Variants in ARK2C observed in about 807,000 individuals in gnomAD.
ARK2C encodes E3 ubiquitin-protein ligase ARK2C.
At chr18:46,337,709 AT>A in the ARK2C span, 4 of 718,300 alleles carry the variant, frequency 5.6e-6, no homozygotes, top group South Asian at 1.3e-4. Flanking sequence ...TGCTGTTTAG[AT>A]TTTCCCCCCT....
the ARK2C span, chr18:46,336,132 A>G: frequency 1.0e-6 from 1 of 985,234 alleles, no homozygotes; most frequent in South Asian, 4.7e-5. Context: ...TCAATACACA[A>G]TTATCTCTTA....
At chr18:46,382,632 C>T in the ARK2C span, among the ~76,000 whole-genome samples, 1 of 152,182 alleles carries the variant, frequency 6.6e-6, no homozygotes, top group African/African-American at 2.4e-5. Flanking sequence ...CCCATTTTCC[C>T]AACCATCCTC....
chr18:46,408,924 A>G, the ARK2C span, among the ~76,000 whole-genome samples: 1 of 152,204 alleles, frequency 6.6e-6, no homozygotes. Flanking sequence ...TCCAAGTCTC[A>G]GTTCCCTGTT....
chr18:46,335,344 C>G, the ARK2C span: 1 of 152,188 alleles, frequency 6.6e-6, no homozygotes, highest in Non-Finnish European at 1.5e-5. Flanking sequence ...CCCTCACATT[C>G]TGCTACAACA....
chr18:46,370,711 G>A, the ARK2C span, among the ~76,000 whole-genome samples: 2 of 152,302 alleles, frequency 1.3e-5, no homozygotes, highest in Non-Finnish European at 1.5e-5. Flanking sequence ...CTCTGTCCTC[G>A]TTCTCTTGAG....
chr18:46,334,506 C>CATA, the ARK2C span: 1 of 531,184 alleles, frequency 1.9e-6, no homozygotes, highest in Non-Finnish European at 3.1e-6. The surrounding 1 kb of genome is among the most constrained non-coding windows in gnomAD (Gnocchi z 4.4). Flanking sequence ...GTGGGGGCGG[C>CATA]CGCCCTCGTG....
the ARK2C span, among the ~76,000 whole-genome samples, chr18:46,451,630 A>G: frequency 2.0e-5 from 3 of 152,188 alleles, no homozygotes; most frequent in African/African-American, 7.2e-5. Flanking sequence ...CCTCATCTCT[A>G]CAAAAATTTT....
the ARK2C span, among the ~76,000 whole-genome samples, chr18:46,375,422 T>A: frequency 2.0e-5 from 3 of 151,870 alleles, no homozygotes; most frequent in African/African-American, 7.3e-5. Context: ...GGTATGGTGG[T>A]ACACACCTGT....
the ARK2C span, among the ~76,000 whole-genome samples, chr18:46,442,758 A>G: frequency 6.6e-6 from 1 of 152,158 alleles, no homozygotes; most frequent in African/African-American, 2.4e-5. Flanking sequence ...GTGGATGTCT[A>G]GAACTCTACT....
At chr18:46,435,480 C>T in the ARK2C span, 1 of 1,113,490 alleles carries the variant, frequency 9.0e-7, no homozygotes, top group African/African-American at 1.5e-5. Context: ...TTTCTGTTTT[C>T]CTTCACTTTG....
chr18:46,443,907 TTTTTAA>T, the ARK2C span, among the ~76,000 whole-genome samples: 4 of 152,232 alleles, frequency 2.6e-5, no homozygotes, highest in Non-Finnish European at 5.9e-5. Context: ...TTTGAAGAAC[TTTTTAA>T]AACACTTCTT....
chr18:46,367,270 A>G, the ARK2C span, among the ~76,000 whole-genome samples: 1 of 152,312 alleles, frequency 6.6e-6, no homozygotes, highest in Admixed American at 6.5e-5. Context: ...TTCCAGGTAT[A>G]GGGTAGACCA....
the ARK2C span, among the ~76,000 whole-genome samples, chr18:46,356,429 A>G: frequency 6.6e-6 from 1 of 152,054 alleles, no homozygotes; most frequent in African/African-American, 2.4e-5. Flanking sequence ...TGCTTATTTT[A>G]TGCCTGGCAC....
the ARK2C span, among the ~76,000 whole-genome samples, chr18:46,442,934 C>T: frequency 6.6e-6 from 1 of 152,164 alleles, no homozygotes; most frequent in African/African-American, 2.4e-5. Context: ...CAAAGTCTAC[C>T]TTGTCTGATG....
At chr18:46,380,639 T>A in the ARK2C span, among the ~76,000 whole-genome samples, 1 of 152,116 alleles carries the variant, frequency 6.6e-6, no homozygotes, top group Non-Finnish European at 1.5e-5. Context: ...GAATCTCCTA[T>A]GACTGGGAGC....
At chr18:46,435,847 G>A in the ARK2C span, among the ~76,000 whole-genome samples, 1 of 152,196 alleles carries the variant, frequency 6.6e-6, no homozygotes, top group African/African-American at 2.4e-5. Flanking sequence ...TGGGTGGGGT[G>A]GCTGTGTAAA....
chr18:46,422,609 C>G, the ARK2C span, among the ~76,000 whole-genome samples: 14 of 152,360 alleles, frequency 9.2e-5, no homozygotes, highest in East Asian at 2.5e-3. Flanking sequence ...TCCCCCCGAC[C>G]GAGGTCCAGC....
chr18:46,395,679 G>C, the ARK2C span, among the ~76,000 whole-genome samples: 4 of 152,184 alleles, frequency 2.6e-5, no homozygotes, highest in Non-Finnish European at 5.9e-5. Context: ...ACTGTCTGGA[G>C]CTCCAAGGAG....
the ARK2C span, among the ~76,000 whole-genome samples, chr18:46,407,315 C>G: frequency 6.6e-6 from 1 of 152,180 alleles, no homozygotes; most frequent in Non-Finnish European, 1.5e-5. Context: ...CTCCTCCTAA[C>G]CAGTCTCCTG....
Sources: gnomAD v4.1 joint callset for allele counts (sites outside exome capture counted in the v4.1 genomes callset) on GRCh38, gnomAD v4.1.1 for gene constraint, Gnocchi (gnomAD v3.1) non-coding constraint, MANE v1.5 for transcripts, NCBI Gene and HGNC (gene_info 2026-07-23, HGNC 2026-07-21) for gene names.